The following IMMP2L variants were observed in gnomAD, a reference collection of about 807,000 sequenced individuals.
The protein encoded by IMMP2L is mitochondrial inner membrane protease subunit 2.
In IMMP2L, 18 loss-of-function variants were observed where a neutral mutation model predicts 19.3. That is an observed-to-expected ratio of 0.93 (90% CI 0.64 to 1.38). The LOEUF (loss-of-function observed/expected upper bound fraction) is 1.38, where lower values mean the gene tolerates loss of function less well. IMMP2L is among the 40% of genes most tolerant of loss of function. The pLI is 0.00. For missense variants in IMMP2L, 233 were observed against 218.2 expected (o/e 1.07, Z -0.43); for synonymous variants, 76 against 73.0 (o/e 1.04, Z -0.21).
intron 3 of IMMP2L, among the ~76,000 whole-genome samples, chr7:111,356,565 C>T (rs1263085272): frequency 3.3e-5 from 5 of 152,166 alleles, no homozygotes; most frequent in Middle Eastern, 3.4e-3. Flanking sequence ...CCTTATTCAA[C>T]GTTAAATCCC....
chr7:111,484,273 G>C (rs935394354), intron 3 of IMMP2L, among the ~76,000 whole-genome samples: 5 of 152,050 alleles, frequency 3.3e-5, no homozygotes, highest in Non-Finnish European at 2.9e-5. Context: ...TCAGTGCTCT[G>C]GTTATAAAGT....
At chr7:110,822,971 A>G (rs1171051127) in intron 5 of IMMP2L, among the ~76,000 whole-genome samples, 8 of 152,110 alleles carry the variant, frequency 5.3e-5, no homozygotes, top group Admixed American at 4.6e-4. Flanking sequence ...CAAGTGTCTG[A>G]TGAGTAAATA....
At chr7:110,755,955 A>C (rs1798015501) in intron 5 of IMMP2L, among the ~76,000 whole-genome samples, 1 of 152,078 alleles carries the variant, frequency 6.6e-6, no homozygotes, top group South Asian at 2.1e-4. Flanking sequence ...GAGGTCATTC[A>C]TGCTATAGGT....
intron 3 of IMMP2L, among the ~76,000 whole-genome samples, chr7:111,087,576 C>A (rs1359720758): frequency 6.6e-6 from 1 of 151,104 alleles, no homozygotes; most frequent in Non-Finnish European, 1.5e-5. Context: ...ATAAAATATA[C>A]AAATATATGT....
intron 3 of IMMP2L, among the ~76,000 whole-genome samples, chr7:111,188,896 T>C (rs1196236482): frequency 6.6e-6 from 1 of 152,140 alleles, no homozygotes; most frequent in Non-Finnish European, 1.5e-5. Flanking sequence ...TAATATGATC[T>C]TTTTAAGCCA....
intron 3 of IMMP2L, among the ~76,000 whole-genome samples, chr7:111,210,998 T>A (rs1308897937): frequency 1.3e-5 from 2 of 152,148 alleles, no homozygotes; most frequent in Non-Finnish European, 2.9e-5. Flanking sequence ...ATGTTCTTCT[T>A]CTTCCTAAAA....
At chr7:110,688,841 C>A (rs1335444909) in intron 5 of IMMP2L, among the ~76,000 whole-genome samples, 1 of 151,316 alleles carries the variant, frequency 6.6e-6, no homozygotes, top group African/African-American at 2.5e-5. Flanking sequence ...CTGTCTCTCT[C>A]TGTATGTATG....
intron 5 of IMMP2L, among the ~76,000 whole-genome samples, chr7:110,687,446 T>C (rs1157456018): frequency 1.3e-5 from 2 of 152,038 alleles, no homozygotes; most frequent in Admixed American, 6.6e-5. Flanking sequence ...ATATTATCCA[T>C]AGTAGACACT....
chr7:111,031,006 G>A (rs1245265304), intron 3 of IMMP2L, among the ~76,000 whole-genome samples: 1 of 150,662 alleles, frequency 6.6e-6, no homozygotes, highest in Admixed American at 6.6e-5. Context: ...AGAGTGAGAG[G>A]TTAGAGGTAA....
At chr7:111,132,539 A>G (rs987853271) in intron 3 of IMMP2L, among the ~76,000 whole-genome samples, 3 of 152,032 alleles carry the variant, frequency 2.0e-5, no homozygotes, top group African/African-American at 7.2e-5. Flanking sequence ...CACCACATCA[A>G]CACCAACAGC....
chr7:110,888,069 G>C (rs1041079330), intron 4 of IMMP2L, among the ~76,000 whole-genome samples: 10 of 152,010 alleles, frequency 6.6e-5, no homozygotes, highest in African/African-American at 2.2e-4. Flanking sequence ...CTTTACTTTA[G>C]ATCAGTAAAT....
At chr7:111,483,324 G>A (rs1842352969) in intron 3 of IMMP2L, 1 of 152,134 alleles carries the variant, frequency 6.6e-6, no homozygotes, top group Admixed American at 6.5e-5. Flanking sequence ...TGCAACTTAT[G>A]TTAAGCCAGG....
chr7:111,211,884 C>A (rs1490444108), intron 3 of IMMP2L, among the ~76,000 whole-genome samples: 2 of 152,088 alleles, frequency 1.3e-5, no homozygotes, highest in Non-Finnish European at 2.9e-5. Flanking sequence ...GTAGTCCCAG[C>A]TACTCCGGAG....
intron 3 of IMMP2L, among the ~76,000 whole-genome samples, chr7:111,103,962 C>G (rs1316216140): frequency 6.6e-6 from 1 of 151,372 alleles, no homozygotes; most frequent in Non-Finnish European, 1.5e-5. Flanking sequence ...TTTGTATTGG[C>G]AATTCAAGAA....
chr7:111,498,151 G>T lies in IMMP2L; in HGVS notation c.136-10810C>A, dbSNP rs140543507. 3.9e-3 allele frequency among the ~76,000 whole-genome samples: 592 copies of T among 151,876 alleles called. 3 individuals are homozygous for T. The highest frequency in any genetic ancestry group is 0.013 in the African/African-American group (531 of 41,452). ...TTTAAGCATCTCTTTAATTCAGGTCGCTACAACTAGATTGCAAGGTTCAAA... is the reference window on the plus strand; with the variant it reads ...TTTAAGCATCTCTTTAATTCAGGTCTCTACAACTAGATTGCAAGGTTCAAA... On this transcript the variant is annotated intron_variant, in intron 2 of 5. Coordinates refer to ENST00000405709, the MANE Select transcript of IMMP2L (RefSeq NM_032549.4).
intron 4 of IMMP2L, among the ~76,000 whole-genome samples, chr7:110,934,736 C>T (rs1815889450): frequency 6.6e-6 from 1 of 152,152 alleles, no homozygotes; most frequent in South Asian, 2.1e-4. Context: ...GCATTGATCC[C>T]TTTACCATTA....
intron 3 of IMMP2L, among the ~76,000 whole-genome samples, chr7:111,139,129 A>G (rs1247208005): frequency 1.3e-5 from 2 of 152,150 alleles, no homozygotes; most frequent in African/African-American, 4.8e-5. Context: ...AAAAAAAGGA[A>G]TAAGCCTGGA....
At chr7:111,327,479 G>A (rs998358311) in intron 3 of IMMP2L, among the ~76,000 whole-genome samples, 4 of 151,516 alleles carry the variant, frequency 2.6e-5, no homozygotes, top group African/African-American at 9.7e-5. Context: ...AGCTGTTCCT[G>A]CGAGGTACTG....
At chr7:110,839,871 A>T (rs1804888860) in intron 5 of IMMP2L, among the ~76,000 whole-genome samples, 1 of 152,158 alleles carries the variant, frequency 6.6e-6, no homozygotes, top group African/African-American at 2.4e-5. Flanking sequence ...TATAGTATCA[A>T]CTAAGCTGAT....
Sources: gnomAD v4.1 joint callset for allele counts (sites outside exome capture counted in the v4.1 genomes callset) on GRCh38, gnomAD v4.1.1 for gene constraint, MANE v1.5 for transcripts, NCBI Gene and HGNC (gene_info 2026-07-23, HGNC 2026-07-21) for gene names.